NOS1: variants seen among roughly 807,000 people sequenced by gnomAD.
NOS1 encodes the protein nitric oxide synthase 1, also known as NOS type I.
In NOS1, 51 loss-of-function variants were observed where a neutral mutation model predicts 164.5. That is an observed-to-expected ratio of 0.31 (90% CI 0.25 to 0.39). The LOEUF is 0.39. Among genes scored for constraint, NOS1 ranks in the 10% least tolerant of loss-of-function variants. The probability of loss-of-function intolerance (pLI) is 1.00; values close to 1 mark genes in which losing one functional copy is unlikely to be tolerated. For missense variants in NOS1, 1,362 were observed against 1,885.6 expected (o/e 0.72, Z 5.14); for synonymous variants, 719 against 745.8 (o/e 0.96, Z 0.59).
chr12:117,294,121 C>T (rs1023595287), intron 3 of NOS1, among the ~76,000 whole-genome samples: 3 of 152,230 alleles, frequency 2.0e-5, no homozygotes, highest in Non-Finnish European at 4.4e-5. Context: ...GCCATTCTCC[C>T]TACATACCCA....
chr12:117,355,060 G>A (rs547635634), intron 1 of NOS1, among the ~76,000 whole-genome samples: 5 of 152,282 alleles, frequency 3.3e-5, no homozygotes, highest in East Asian at 3.9e-4. Flanking sequence ...GAATAAAGAA[G>A]AGATTCTCGA....
chr12:117,220,111 C>T lies in NOS1; in HGVS notation c.4134G>A (p.Ser1378=), dbSNP rs190492371. 76 of 1,613,134 alleles carry T rather than the reference C, an allele frequency of 4.7e-5. 1 individual carries two copies. The Admixed American group carries it at 8.3e-4, about 18-fold the overall frequency. Reference sequence around the variant, plus strand: ...TGATGAATACGCCGGCGTCCTCTGCCGAGAGCTTCCCCTGCTGGGTCATGA... The same window carrying T: ...TGATGAATACGCCGGCGTCCTCTGCTGAGAGCTTCCCCTGCTGGGTCATGA... ...QRIMTQQGKL[S]AEDAGVFISR... is the part of the protein sequence containing the mutation. The change falls in exon 27 of 29, where the codon TCG becomes TCA. Residue 1378 remains serine (S), a synonymous_variant. Coordinates refer to ENST00000317775, the MANE Select transcript of NOS1 (RefSeq NM_000620.5).
In NOS1 at chr12:117,315,830, G is replaced by A. The variant is rs545640625; in HGVS notation, c.726-4238C>T. Reference sequence around the variant, plus strand: ...AATAATATCTGCAATGATTAAGGGAGGTAAAGCTTATAATACTTGGCAGTG... The same window carrying A: ...AATAATATCTGCAATGATTAAGGGAAGTAAAGCTTATAATACTTGGCAGTG... On this transcript the variant is annotated intron_variant, in intron 2 of 28. Coordinates refer to ENST00000317775, the MANE Select transcript of NOS1 (RefSeq NM_000620.5). 3.9e-5 allele frequency among the ~76,000 whole-genome samples: 6 copies of A among 152,318 alleles called. No homozygotes were observed. In the East Asian group the frequency reaches 1.2e-3, roughly 29 times the overall value.
rs369520560 is a variant in NOS1 at position 117,341,740 on chromosome 12, G to A, written c.-420-10251C>T. On this transcript the variant is annotated intron_variant, in intron 1 of 28. Coordinates refer to ENST00000317775, the MANE Select transcript of NOS1 (RefSeq NM_000620.5). ...TGAATTTGGAGCTAGAAAAACCAGGGTTTGTGACCCACCTCTGCTGCCTAT... is the reference window on the plus strand; with the variant it reads ...TGAATTTGGAGCTAGAAAAACCAGGATTTGTGACCCACCTCTGCTGCCTAT... Among the ~76,000 whole-genome samples, 139 of 152,240 alleles carry A rather than the reference G, an allele frequency of 9.1e-4. 2 individuals carry two copies. The highest frequency in any genetic ancestry group is 2.8e-3 in the African/African-American group (117 of 41,528).
intron 17 of NOS1, 81 bp downstream of exon 17, chr12:117,253,557 A>G: frequency 4.3e-6 from 4 of 919,726 alleles, no homozygotes; most frequent in Non-Finnish European, 7.0e-6. Flanking sequence ...TCCACAACGA[A>G]GCGCTCACTT....
At chr12:117,340,456 G>C (rs1481860360) in intron 1 of NOS1, among the ~76,000 whole-genome samples, 4 of 152,252 alleles carry the variant, frequency 2.6e-5, no homozygotes, top group African/African-American at 9.6e-5. Flanking sequence ...TATTAAATAG[G>C]GGTGATAATA....
rs1415177846 is a variant in NOS1, at chr12:117,234,364, T to C, written c.3235+201A>G. 6.6e-6 allele frequency among the ~76,000 whole-genome samples: 1 copy of C among 152,206 alleles called. No homozygotes were observed. The highest frequency in any genetic ancestry group is 6.5e-5 in the Admixed American group (1 of 15,278). ...GTGAGCCATCAATGGCCTGGCACTA[T>C]GTGCATTTATTTGCTCAGCTGGTTG... is the stretch of plus-strand genomic sequence containing the variant. On this transcript the variant is annotated intron_variant, in intron 21 of 28. Transcript: ENST00000317775. The surrounding 1 kb of genome is among the most constrained non-coding windows in gnomAD (Gnocchi z 4.3).
At position 117,234,665 on chromosome 12, in the gene NOS1, G is replaced by A. The variant is rs776576443; in HGVS notation, c.3135C>T (p.His1045=). Reference sequence around the variant, plus strand: ...CGATCAGGGCATTCACGAGGTCCTCGTGGTTGCCAGGGAAGACACCCAGGT... The same window carrying A: ...CGATCAGGGCATTCACGAGGTCCTCATGGTTGCCAGGGAAGACACCCAGGT... ...GDHLGVFPGN[H]EDLVNALIER... The change falls in exon 21 of 29, where the codon CAC becomes CAT. Residue 1045 remains histidine, a synonymous_variant. Transcript: ENST00000317775. The surrounding 1 kb of genome is among the most constrained non-coding windows in gnomAD (Gnocchi z 4.3). 18 of 1,614,180 alleles carry A rather than the reference G, an allele frequency of 1.1e-5. No homozygotes were observed. The highest frequency in any genetic ancestry group is 1.4e-5 in the Non-Finnish European group (17 of 1,180,026).
At position 117,243,431 on chromosome 12, in the gene NOS1, G is replaced by C; in HGVS notation, c.2828C>G (p.Ala943Gly). ...ATCTCCCACACAGAAGACATCACAG[G>C]CTGCCTGTGGTGTACACAAGGCTTT... ...RTWAKKVFKAACDVFCVGDDV... is the reference protein window; with the variant it reads ...RTWAKKVFKAGCDVFCVGDDV... The change falls in exon 19 of 29, where the codon GCC (alanine) becomes GGC (glycine). Residue 943 changes from alanine (A) to glycine (G), a missense_variant. This residue lies in a region of NOS1 where 737 missense variants were observed against 1,030.3 expected (regional missense o/e 0.72). Transcript: ENST00000317775. This position sits in a 1 kb window ranked among gnomAD's most constrained non-coding sequence, Gnocchi z 4.3. 6.2e-7 allele frequency: 1 copy of C among 1,613,990 alleles called. No homozygotes were observed. The highest frequency in any genetic ancestry group is 8.5e-7 in the Non-Finnish European group (1 of 1,179,960).
At position 117,285,300 on chromosome 12, in the gene NOS1, G is replaced by A. The variant is rs759842178; in HGVS notation, c.1323C>T (p.His441=). The A allele has an allele frequency of 1.3e-5, 21 of 1,610,364 alleles. No homozygotes were observed. The highest frequency in any genetic ancestry group is 1.8e-5 in the Non-Finnish European group (21 of 1,177,812). The change falls in exon 7 of 29, where the codon CAC becomes CAT. Residue 441 remains histidine, a synonymous_variant. Coordinates refer to ENST00000317775, the MANE Select transcript of NOS1 (RefSeq NM_000620.5). ...GGTTACAGATGTAGTTGAACATCCCGTGGGCCGTGGTGCAGTCACGGGCAT... is the reference window on the plus strand; with the variant it reads ...GGTTACAGATGTAGTTGAACATCCCATGGGCCGTGGTGCAGTCACGGGCAT... ...VFDARDCTTA[H]GMFNYICNHV... is the part of the protein sequence containing the mutation.
intron 2 of NOS1, among the ~76,000 whole-genome samples, chr12:117,327,106 G>C (rs1875290092): frequency 6.6e-6 from 1 of 152,178 alleles, no homozygotes; most frequent in African/African-American, 2.4e-5. Flanking sequence ...CCCACCTGAT[G>C]CCCAGTTGAG....
chr12:117,212,335 T>C lies in NOS1; in HGVS notation c.*2974A>G. ...CCATCTGCACCAACAGGGGCAGAAT[T>C]AGGATTTGCACTCAGGTCGGCTCCC... On this transcript the variant is annotated 3_prime_UTR_variant, in exon 29 of 29. Transcript: ENST00000317775. 1.0e-6 allele frequency: 1 copy of C among 985,284 alleles called. No homozygotes were observed. The allele number at this position is 985,284 out of a possible 1,614,324, so 61.0% of individuals were successfully genotyped here. A position where few individuals can be genotyped will look rare whatever the true frequency, so the allele number is the denominator to read the frequency against.
In NOS1 at chr12:117,213,961, G is replaced by A; in HGVS notation, c.*1348C>T. 6 of 985,410 alleles carry A rather than the reference G, an allele frequency of 6.1e-6. No individual in the cohort carries two copies. Among genetic ancestry groups the A allele is most frequent in the Non-Finnish European group, 7.2e-6 (6 of 829,922 alleles). 61.0% of individuals were successfully genotyped at this position (985,410 alleles called of 1,614,324 possible). A position where few individuals can be genotyped will look rare whatever the true frequency, so the allele number is the denominator to read the frequency against. On this transcript the variant is annotated 3_prime_UTR_variant, in exon 29 of 29. Transcript: ENST00000317775. ...ACCGAAGACTTGGCTGCCCATTTTT[G>A]ATCTGAGTTGAGGGTAACTTATTTG...
At chr12:117,289,739 G>C (rs986209588) in intron 4 of NOS1, among the ~76,000 whole-genome samples, 2 of 152,186 alleles carry the variant, frequency 1.3e-5, no homozygotes, top group Non-Finnish European at 2.9e-5. Context: ...GAATGTTTCT[G>C]TGTCTCTTTG....
intron 16 of NOS1, among the ~76,000 whole-genome samples, chr12:117,257,456 G>A (rs1422181887): frequency 2.6e-5 from 4 of 151,942 alleles, no homozygotes; most frequent in East Asian, 1.9e-4. Flanking sequence ...CATTAGATGC[G>A]GTTCCATTAC....
In NOS1 at chr12:117,243,859, T is replaced by TCTACC. The variant is rs1173828706; in HGVS notation, c.2824-429_2824-425dup. Among the ~76,000 whole-genome samples, 2 of 150,678 alleles carry TCTACC rather than the reference T, an allele frequency of 1.3e-5. No individual in the cohort carries two copies. Among genetic ancestry groups the TCTACC allele is most frequent in the African/African-American group, 4.9e-5 (2 of 41,106 alleles). On this transcript the variant is annotated intron_variant, in intron 18 of 28. Transcript: ENST00000317775. The surrounding 1 kb of genome is among the most constrained non-coding windows in gnomAD (Gnocchi z 4.3). ...TTCCATGCATCCATCCTTCCATCCA[T>TCTACC]CTACCCACCCACCCACCTATCCATC...
chr12:117,336,006 C>T (rs1447052549), intron 1 of NOS1, among the ~76,000 whole-genome samples: 1 of 150,370 alleles, frequency 6.7e-6, no homozygotes, highest in Non-Finnish European at 1.5e-5. Context: ...CATGCTGGGC[C>T]TTGTAAGCGC....
Position 117,212,734 on chromosome 12 carries a change from G to A in NOS1, c.*2575C>T. 2.0e-6 allele frequency: 2 copies of A among 985,398 alleles called. No individual in the cohort carries two copies. Among genetic ancestry groups the A allele is most frequent in the Middle Eastern group, 5.2e-4 (1 of 1,914 alleles). The allele number at this position is 985,398 out of a possible 1,614,324, so 61.0% of individuals were successfully genotyped here. A position where few individuals can be genotyped will look rare whatever the true frequency, so the allele number is the denominator to read the frequency against. On this transcript the variant is annotated 3_prime_UTR_variant, in exon 29 of 29. Transcript: ENST00000317775. The stretch of plus-strand genomic sequence containing the variant: ...CTTAATTCTATTTTGCACTTAAACG[G>A]TTGGCTACGAGGCCTGGATGAAAAG...
intron 25 of NOS1, among the ~76,000 whole-genome samples, chr12:117,224,697 G>A (rs1470324109): frequency 6.6e-6 from 1 of 152,194 alleles, no homozygotes; most frequent in Admixed American, 6.5e-5. Flanking sequence ...AACAGTCTTT[G>A]CAATAATTAC....
Sources: allele counts gnomAD v4.1 joint callset (sites outside exome capture counted in the v4.1 genomes callset), GRCh38; gene constraint gnomAD v4.1.1; regional missense constraint gnomAD v4.1.1; non-coding constraint Gnocchi (gnomAD v3.1); transcripts MANE v1.5; gene names NCBI Gene and HGNC (gene_info 2026-07-23, HGNC 2026-07-21).